Variants in APBA1 observed in about 807,000 individuals in gnomAD.
APBA1 encodes amyloid beta precursor protein binding family A member 1, also known as amyloid-beta A4 precursor protein-binding family A member 1.
In APBA1, 55 loss-of-function variants were observed where a neutral mutation model predicts 86.6. That is an observed-to-expected ratio of 0.64 (90% CI 0.51 to 0.80). The LOEUF is 0.80. Ranked by LOEUF, APBA1 falls within the 30% of genes least tolerant of loss-of-function variation. The pLI, the probability that APBA1 is intolerant of heterozygous loss-of-function variation, is 0.00. For synonymous variants in APBA1, 511 were observed against 493.9 expected (o/e 1.03, Z -0.46); for missense variants, 1,090 against 1,183.0 (o/e 0.92, Z 1.15).
intron 1 of APBA1, among the ~76,000 whole-genome samples, chr9:69,579,096 A>G (rs1176933905): frequency 1.3e-5 from 2 of 151,914 alleles, no homozygotes; most frequent in Non-Finnish European, 2.9e-5. Context: ...TAAAACAAAA[A>G]ACCCATACCT....
At position 69,585,783 on chromosome 9, in the gene APBA1, C is replaced by T. The variant is rs183054222; in HGVS notation, c.-69-68504G>A. On this transcript the variant is annotated intron_variant, in intron 1 of 12. Coordinates refer to ENST00000265381, the MANE Select transcript of APBA1 (RefSeq NM_001163.4). ...CTGGTGATGGAATTTCTATTTATTC[C>T]CTGTACCAAAGCCCATCTGCTCACC... Among the ~76,000 whole-genome samples the T allele has an allele frequency of 1.3e-5, 2 of 152,178 alleles. 1 individual carries two copies. Among genetic ancestry groups the T allele is most frequent in the Admixed American group, 1.3e-4 (2 of 15,294 alleles).
chr9:69,654,524 T>A (rs548112451), intron 1 of APBA1, among the ~76,000 whole-genome samples: 27 of 152,158 alleles, frequency 1.8e-4, no homozygotes, highest in African/African-American at 6.3e-4. Context: ...AAAACCTGAA[T>A]AGACCAATAA....
intron 1 of APBA1, among the ~76,000 whole-genome samples, chr9:69,522,122 A>G (rs970437221): frequency 3.5e-4 from 53 of 151,194 alleles, no homozygotes; most frequent in South Asian, 2.1e-4. Flanking sequence ...GTGTGTGTGT[A>G]TATATATAAA....
At chr9:69,651,147 C>T (rs1323850824) in intron 1 of APBA1, among the ~76,000 whole-genome samples, 5 of 152,122 alleles carry the variant, frequency 3.3e-5, no homozygotes, top group Admixed American at 1.3e-4. Flanking sequence ...TTTGTAAAGT[C>T]GAAGAATCTG....
At chr9:69,562,576 T>C (rs1836963228) in intron 1 of APBA1, among the ~76,000 whole-genome samples, 1 of 151,964 alleles carries the variant, frequency 6.6e-6, no homozygotes, top group Non-Finnish European at 1.5e-5. Context: ...GGTTTTGCCA[T>C]GTTGGCCAGG....
intron 1 of APBA1, among the ~76,000 whole-genome samples, chr9:69,617,967 C>CAT (rs1822736195): frequency 6.6e-6 from 1 of 152,038 alleles, no homozygotes; most frequent in Non-Finnish European, 1.5e-5. Flanking sequence ...CACACACACA[C>CAT]AGCCCTCCTA....
chr9:69,544,139 C>T (rs1220534836), intron 1 of APBA1, among the ~76,000 whole-genome samples: 1 of 152,174 alleles, frequency 6.6e-6, no homozygotes, highest in East Asian at 1.9e-4. Flanking sequence ...TTTAAACTTT[C>T]CTTCCTCAAT....
intron 1 of APBA1, among the ~76,000 whole-genome samples, chr9:69,596,298 T>C (rs919708744): frequency 1.3e-5 from 2 of 152,144 alleles, no homozygotes; most frequent in African/African-American, 4.8e-5. Flanking sequence ...TTTTTATCTA[T>C]TTATATGTTG....
At chr9:69,597,847 T>C in intron 1 of APBA1, among the ~76,000 whole-genome samples, 1 of 152,212 alleles carries the variant, frequency 6.6e-6, no homozygotes, top group Admixed American at 6.5e-5. Flanking sequence ...GACTGTAAAC[T>C]AGTTCAACCC....
At chr9:69,471,329 T>C (rs1447077024) in intron 4 of APBA1, among the ~76,000 whole-genome samples, 1 of 152,234 alleles carries the variant, frequency 6.6e-6, no homozygotes, top group Admixed American at 6.5e-5. Flanking sequence ...TTTGAATGTA[T>C]GAAGTGCACA....
intron 2 of APBA1, among the ~76,000 whole-genome samples, chr9:69,489,572 T>A (rs919716327): frequency 1.3e-5 from 2 of 152,014 alleles, no homozygotes; most frequent in African/African-American, 4.8e-5. Context: ...CCCAACCTAC[T>A]CATCTGACAA....
At chr9:69,440,566 G>A (rs904713942) in intron 11 of APBA1, among the ~76,000 whole-genome samples, 57 of 152,272 alleles carry the variant, frequency 3.7e-4, no homozygotes, top group African/African-American at 1.2e-3. Flanking sequence ...CTCCATGGGC[G>A]TAGGACCCTC....
intron 1 of APBA1, among the ~76,000 whole-genome samples, chr9:69,649,676 C>T (rs1441251698): frequency 1.3e-5 from 2 of 152,134 alleles, no homozygotes; most frequent in African/African-American, 4.8e-5. Flanking sequence ...TGATACAGTG[C>T]GAACACATGT....
intron 1 of APBA1, among the ~76,000 whole-genome samples, chr9:69,523,669 A>G (rs1391255154): frequency 6.6e-6 from 1 of 151,562 alleles, no homozygotes; most frequent in Non-Finnish European, 1.5e-5. Flanking sequence ...TAGATCATCA[A>G]AGCAAAAAAC....
rs1834552511 is a variant in APBA1 at position 69,429,545 on chromosome 9, A to G, written c.*1782T>C. On this transcript the variant is annotated 3_prime_UTR_variant, in exon 13 of 13. Coordinates refer to ENST00000265381, the MANE Select transcript of APBA1 (RefSeq NM_001163.4). ...CAGGGCTCCTTTGTAACACAGTGAA[A>G]CTGAGAGTGCCACTGCTCGTTCCTG... The G allele has an allele frequency of 6.6e-6, 1 of 152,036 alleles. No individual in the cohort carries two copies. Among genetic ancestry groups the G allele is most frequent in the African/African-American group, 2.4e-5 (1 of 41,402 alleles). 9.4% of individuals were successfully genotyped at this position (152,036 alleles called of 1,614,324 possible).
chr9:69,434,741 T>G (rs1834671073), intron 11 of APBA1, among the ~76,000 whole-genome samples: 1 of 152,088 alleles, frequency 6.6e-6, no homozygotes, highest in African/African-American at 2.4e-5. Context: ...ATGCTACATT[T>G]TTTTAAAGCA....
intron 1 of APBA1, among the ~76,000 whole-genome samples, chr9:69,530,078 T>C (rs984527734): frequency 6.6e-6 from 1 of 151,990 alleles, no homozygotes; most frequent in Admixed American, 6.6e-5. Context: ...TAATTCAATC[T>C]ATATGGAAAA....
At chr9:69,456,492 G>T in intron 7 of APBA1, 60 bp from the exon 8 acceptor site, 2 of 1,488,798 alleles carry the variant, frequency 1.3e-6, no homozygotes, top group African/African-American at 1.4e-5. Context: ...CTAAGAAAGC[G>T]CCTGCCACCT....
chr9:69,653,897 G>T (rs902030694), intron 1 of APBA1, among the ~76,000 whole-genome samples: 2 of 151,820 alleles, frequency 1.3e-5, no homozygotes, highest in Non-Finnish European at 2.9e-5. Flanking sequence ...CACTTGAGGT[G>T]AGGAGTTTGA....
Sources: allele counts gnomAD v4.1 joint callset (sites outside exome capture counted in the v4.1 genomes callset), GRCh38; gene constraint gnomAD v4.1.1; transcripts MANE v1.5; gene names NCBI Gene and HGNC (gene_info 2026-07-23, HGNC 2026-07-21).